Variants in RAPGEF4 observed in about 807,000 individuals in gnomAD.
RAPGEF4 encodes the protein Rap guanine nucleotide exchange factor 4, also known as RAP guanine-nucleotide-exchange factor (GEF) 4.
A neutral mutation model predicts 147.9 loss-of-function variants in RAPGEF4; 66 were observed. That is an observed-to-expected ratio of 0.45 (90% confidence interval 0.37 to 0.55). The LOEUF is 0.55. RAPGEF4 is among the 20% of genes least tolerant of loss of function. The pLI, the probability that RAPGEF4 is intolerant of heterozygous loss-of-function variation, is 0.00. For synonymous variants in RAPGEF4, 419 were observed against 442.7 expected (o/e 0.95, Z 0.67); for missense variants, 1,071 against 1,257.3 (o/e 0.85, Z 2.24).
At chr2:172,877,718 C>A (rs1696132616) in intron 4 of RAPGEF4, among the ~76,000 whole-genome samples, 2 of 152,076 alleles carry the variant, frequency 1.3e-5, no homozygotes, top group Non-Finnish European at 2.9e-5. Flanking sequence ...CCCTTGCTGC[C>A]TGTATTCTGG....
rs869271631 is a variant in RAPGEF4 at position 172,819,483 on chromosome 2, T to TTTTTG, written c.444+5058_444+5059insTTTTG. On this transcript the variant is annotated intron_variant, in intron 4 of 30. Transcript: ENST00000397081. ...GTTCTTTTTTTTTTTTTTTTTTTTT[T>TTTTTG]GAGACGGAGTCTCGCTCTGTCGCCC... Among the ~76,000 whole-genome samples the TTTTTG allele has an allele frequency of 2.9e-5, 4 of 135,684 alleles. 1 individual carries two copies. Among genetic ancestry groups the TTTTTG allele is most frequent in the Non-Finnish European group, 6.4e-5 (4 of 62,858 alleles). 89.0% of individuals were successfully genotyped at this position (135,684 alleles called of 152,430 possible). A position where few individuals can be genotyped will look rare whatever the true frequency, so the allele number is the denominator to read the frequency against.
intron 17 of RAPGEF4, among the ~76,000 whole-genome samples, chr2:173,004,216 T>C (rs1214708082): frequency 1.3e-5 from 2 of 152,328 alleles, no homozygotes; most frequent in Admixed American, 1.3e-4. Flanking sequence ...TGAACATTAA[T>C]ATATCAGGCC....
At chr2:173,022,114 C>T (rs1315852778) in intron 23 of RAPGEF4, among the ~76,000 whole-genome samples, 3 of 152,226 alleles carry the variant, frequency 2.0e-5, no homozygotes, top group East Asian at 3.8e-4. Context: ...GCCAGTTCAG[C>T]GCAGCCCCAT....
rs554059361 is a variant in RAPGEF4, at chr2:172,938,433, A to G, written c.537+16133A>G. 5.9e-5 allele frequency among the ~76,000 whole-genome samples: 9 copies of G among 152,196 alleles called. No individual in the cohort carries two copies. The South Asian group carries it at 1.7e-3, about 28-fold the overall frequency. On this transcript the variant is annotated intron_variant, in intron 6 of 30. Coordinates refer to ENST00000397081, the MANE Select transcript of RAPGEF4 (RefSeq NM_007023.4). Reference sequence around the variant, plus strand: ...ATTTAACTGTCTAATTCGCATATACATTTACAGTGGTTTAAACTGTTTGCC... The same window carrying G: ...ATTTAACTGTCTAATTCGCATATACGTTTACAGTGGTTTAAACTGTTTGCC...
Position 172,832,042 on chromosome 2 carries a change from T to C in RAPGEF4, c.444+17617T>C, listed in dbSNP as rs545437134. 5.3e-4 allele frequency among the ~76,000 whole-genome samples: 80 copies of C among 152,324 alleles called. No individual in the cohort carries two copies. The East Asian group carries it at 5.6e-3, about 11-fold the overall frequency. Reference sequence around the variant, plus strand: ...TTGCTTAATTTCATTGTGCTGACTATGGTTACAGAGCTATAAATCAGGGAC... The same window carrying C: ...TTGCTTAATTTCATTGTGCTGACTACGGTTACAGAGCTATAAATCAGGGAC... On this transcript the variant is annotated intron_variant, in intron 4 of 30. Coordinates refer to ENST00000397081, the MANE Select transcript of RAPGEF4 (RefSeq NM_007023.4).
chr2:173,014,337 TA>T lies in RAPGEF4; in HGVS notation c.1659-126del, dbSNP rs989937858. 4.4e-5 allele frequency: 52 copies of T among 1,174,706 alleles called. No homozygotes were observed. The African/African-American group carries it at 7.7e-4, about 17-fold the overall frequency. 72.8% of individuals were successfully genotyped at this position (1,174,706 alleles called of 1,614,324 possible). A position where few individuals can be genotyped will look rare whatever the true frequency, so the allele number is the denominator to read the frequency against. Reference sequence around the variant, plus strand: ...TTCTGTGGGGTTTTTCATGAGGGCCTAGGGGAGGAATTCTATCCATCTAAAA... The same window carrying T: ...TTCTGTGGGGTTTTTCATGAGGGCCTGGGGAGGAATTCTATCCATCTAAAA... On this transcript the variant is annotated intron_variant, in intron 17 of 30. Coordinates refer to ENST00000397081, the MANE Select transcript of RAPGEF4 (RefSeq NM_007023.4).
At chr2:173,035,029 CAGT>C (rs199836092) in intron 27 of RAPGEF4, among the ~76,000 whole-genome samples, 1,707 of 152,004 alleles carry the variant, frequency 0.011, 24 homozygotes, top group African/African-American at 0.038. Flanking sequence ...CACCCCCATG[CAGT>C]AGAAATATTG....
At chr2:173,025,867 A>G (rs1027525869) in intron 23 of RAPGEF4, among the ~76,000 whole-genome samples, 1 of 152,260 alleles carries the variant, frequency 6.6e-6, no homozygotes, top group Non-Finnish European at 1.5e-5. Flanking sequence ...ACTTTAGATC[A>G]TTTCTCATAA....
At chr2:173,040,834 C>CA (rs889965271) in intron 29 of RAPGEF4, among the ~76,000 whole-genome samples, 2 of 151,866 alleles carry the variant, frequency 1.3e-5, no homozygotes, top group Non-Finnish European at 2.9e-5. Context: ...AAGGAATATT[C>CA]AAAAAAATGT....
At chr2:172,856,472 G>T (rs547052630) in intron 4 of RAPGEF4, among the ~76,000 whole-genome samples, 1 of 152,230 alleles carries the variant, frequency 6.6e-6, no homozygotes, top group African/African-American at 2.4e-5. Flanking sequence ...GTGTGTCTTT[G>T]CATGTGTAGT....
intron 6 of RAPGEF4, among the ~76,000 whole-genome samples, 164 bp from the exon 7 acceptor site, chr2:172,960,596 A>G (rs1689183586): frequency 6.6e-6 from 1 of 152,126 alleles, no homozygotes; most frequent in Non-Finnish European, 1.5e-5. Context: ...TGCCCTTTGA[A>G]TGCCTATGCA....
chr2:172,822,337 T>A (rs144105891), intron 4 of RAPGEF4, among the ~76,000 whole-genome samples: 1 of 152,354 alleles, frequency 6.6e-6, no homozygotes, highest in African/African-American at 2.4e-5. Context: ...TATTTGAATG[T>A]CACATATTAA....
At chr2:172,796,745 G>A (rs189114684) in intron 2 of RAPGEF4, among the ~76,000 whole-genome samples, 6 of 152,256 alleles carry the variant, frequency 3.9e-5, no homozygotes, top group Admixed American at 2.0e-4. Context: ...GCCAGGACTC[G>A]GTTGTCCCAC....
At chr2:172,898,451 C>T (rs1435156564) in intron 4 of RAPGEF4, among the ~76,000 whole-genome samples, 1 of 152,162 alleles carries the variant, frequency 6.6e-6, no homozygotes, top group African/African-American at 2.4e-5. Flanking sequence ...TCTCTTAATA[C>T]CTTTTCTCTG....
chr2:173,016,956 C>T (rs6713228), intron 19 of RAPGEF4, among the ~76,000 whole-genome samples: 15,410 of 152,158 alleles, frequency 0.1, 1,340 homozygotes, highest in African/African-American at 0.24. Context: ...CTTTGAACAT[C>T]GGTTCTGCCA....
rs1427663320 is a variant in RAPGEF4, at chr2:172,787,094, C to G, written c.66-7931C>G. On this transcript the variant is annotated intron_variant, in intron 1 of 30. Coordinates refer to ENST00000397081, the MANE Select transcript of RAPGEF4 (RefSeq NM_007023.4). ...AGGTGTGGTGGCAGGCACCTGTAAT[C>G]CCAGCTACTTGGGAGGCTGAGGCAG... Among the ~76,000 whole-genome samples, 3 of 152,184 alleles carry G rather than the reference C, an allele frequency of 2.0e-5. No homozygotes were observed. The South Asian group carries it at 6.2e-4, about 32-fold the overall frequency.
At chr2:173,016,689 A>T (rs1004418112) in intron 19 of RAPGEF4, among the ~76,000 whole-genome samples, 1 of 152,216 alleles carries the variant, frequency 6.6e-6, no homozygotes, top group African/African-American at 2.4e-5. Flanking sequence ...GGTGGAGTCC[A>T]ACTCAATAAA....
intron 17 of RAPGEF4, among the ~76,000 whole-genome samples, chr2:173,005,120 C>CT (rs34276524): frequency 0.03 from 4,509 of 150,160 alleles, 202 homozygotes; most frequent in African/African-American, 0.1. Context: ...CGGTTTTTTT[C>CT]TTTTTTTTTT....
At chr2:172,903,422 C>T (rs1699294466) in intron 4 of RAPGEF4, among the ~76,000 whole-genome samples, 1 of 150,268 alleles carries the variant, frequency 6.7e-6, no homozygotes, top group Admixed American at 6.6e-5. Context: ...CCTGTAATCC[C>T]AGCTACTCAG....
Sources: allele counts gnomAD v4.1 joint callset (sites outside exome capture counted in the v4.1 genomes callset), GRCh38; gene constraint gnomAD v4.1.1; transcripts MANE v1.5; gene names NCBI Gene and HGNC (gene_info 2026-07-23, HGNC 2026-07-21).